Variants in SUCO observed in about 807,000 individuals in gnomAD.
SUCO encodes the protein SUN domain-containing ossification factor.
A neutral mutation model predicts 148.1 loss-of-function variants in SUCO; 57 were observed. The observed-to-expected ratio is 0.38, with a 90% CI of 0.31 to 0.48. The LOEUF is 0.48. Ranked by LOEUF, SUCO falls within the 20% of genes least tolerant of loss-of-function variation. The pLI, the probability that SUCO is intolerant of heterozygous loss-of-function variation, is 0.96. For synonymous variants in SUCO, 470 were observed against 502.7 expected (o/e 0.93, Z 0.87); for missense variants, 1,331 against 1,468.2 (o/e 0.91, Z 1.53).
chr1:172,544,218 A>G (rs899371634), intron 1 of SUCO: 3 of 677,096 alleles, frequency 4.4e-6, no homozygotes, highest in Non-Finnish European at 5.5e-6. Context: ...TTAAGAAGCA[A>G]TTCTTTGTTG....
At position 172,584,148 on chromosome 1, in the gene SUCO, A is replaced by T. The variant is rs771902709; in HGVS notation, c.1499-870A>T. On this transcript the variant is annotated intron_variant, in intron 15 of 23. Transcript: ENST00000263688. ...AAAGTCATCAAAGAGATTTGATTCT[A>T]TGCAATATCAATTTAGAATTTAACC... Among the ~76,000 whole-genome samples the T allele has an allele frequency of 2.0e-5, 3 of 152,228 alleles. 1 individual carries two copies. Among genetic ancestry groups the T allele is most frequent in the Non-Finnish European group, 4.4e-5 (3 of 68,034 alleles).
At chr1:172,592,937 TCTTC>T (rs1656781410) in intron 19 of SUCO, among the ~76,000 whole-genome samples, 1 of 152,202 alleles carries the variant, frequency 6.6e-6, no homozygotes. Flanking sequence ...TTTGTTTGTG[TCTTC>T]CTTTATTTCC....
At chr1:172,533,605 G>C in intron 1 of SUCO, 108 bp downstream of exon 1, 1 of 1,383,542 alleles carries the variant, frequency 7.2e-7, no homozygotes, top group South Asian at 1.5e-5. Context: ...GGGTTTCCAA[G>C]GCCCCCGTGG....
At chr1:172,568,109 C>T (rs1654690800) in intron 6 of SUCO, among the ~76,000 whole-genome samples, 1 of 152,120 alleles carries the variant, frequency 6.6e-6, no homozygotes, top group African/African-American at 2.4e-5. Flanking sequence ...GCCTTATGAT[C>T]TAAGGTGGAA....
At chr1:172,572,524 C>T (rs1384642627) in intron 9 of SUCO, among the ~76,000 whole-genome samples, 1 of 151,404 alleles carries the variant, frequency 6.6e-6, no homozygotes, top group African/African-American at 2.4e-5. Context: ...GAGTCATCAC[C>T]ACTCCCTAAT....
intron 19 of SUCO, among the ~76,000 whole-genome samples, chr1:172,594,703 T>C (rs1189742390): frequency 6.6e-6 from 1 of 152,226 alleles, no homozygotes; most frequent in Non-Finnish European, 1.5e-5. Context: ...CCTCCAGCTA[T>C]GTGGTCAATT....
chr1:172,601,683 A>G (rs1027657839), intron 20 of SUCO, among the ~76,000 whole-genome samples: 5 of 152,166 alleles, frequency 3.3e-5, no homozygotes, highest in African/African-American at 1.2e-4. Flanking sequence ...GGTGGTTGAT[A>G]GTTCATTTTA....
At chr1:172,598,850 A>C (rs1363559432) in intron 19 of SUCO, among the ~76,000 whole-genome samples, 1 of 152,216 alleles carries the variant, frequency 6.6e-6, no homozygotes, top group Non-Finnish European at 1.5e-5. Context: ...CACATTTAGC[A>C]TTTTGGAAAG....
chr1:172,602,631 A>G lies in SUCO; in HGVS notation c.3174-65A>G. The G allele has an allele frequency of 2.5e-6, 4 of 1,584,154 alleles. No homozygotes were observed. In the East Asian group the frequency reaches 6.7e-5, roughly 27 times the overall value. On this transcript the variant is annotated intron_variant, in intron 21 of 23. Transcript: ENST00000263688. ...TCTCAATAACCTCTGTGTAGCCTCA[A>G]CAAAAGAGTAAATTATATGTGCTTT...
intron 19 of SUCO, among the ~76,000 whole-genome samples, chr1:172,592,042 A>G (rs1251046013): frequency 6.6e-6 from 1 of 152,100 alleles, no homozygotes; most frequent in Non-Finnish European, 1.5e-5. Flanking sequence ...GATGATGAGC[A>G]TTTTCTCATG....
intron 19 of SUCO, among the ~76,000 whole-genome samples, chr1:172,591,675 A>C (rs1220478932): frequency 6.6e-6 from 1 of 151,728 alleles, no homozygotes; most frequent in Non-Finnish European, 1.5e-5. Flanking sequence ...AATCCAGTCT[A>C]TCATTGTTGG....
chr1:172,568,143 C>G (rs1654693631), intron 6 of SUCO, among the ~76,000 whole-genome samples: 1 of 152,196 alleles, frequency 6.6e-6, no homozygotes, highest in African/African-American at 2.4e-5. Flanking sequence ...AACCATCTCC[C>G]TGCCCCATCC....
chr1:172,533,019 C>G (rs1651706274), upstream of SUCO: 8 of 1,426,170 alleles, frequency 5.6e-6, no homozygotes, highest in Non-Finnish European at 7.3e-6. Flanking sequence ...ACTTGGGTGA[C>G]GCGTCCCTTT....
chr1:172,579,318 ACACAC>A (rs746559295), intron 15 of SUCO, 51 bp downstream of exon 15: 8 of 1,143,932 alleles, frequency 7.0e-6, no homozygotes, highest in Non-Finnish European at 9.1e-6. Context: ...TCATTCTGAC[ACACAC>A]AGACATTTTG....
chr1:172,604,121 C>T (rs985973035), intron 22 of SUCO, among the ~76,000 whole-genome samples: 1 of 151,870 alleles, frequency 6.6e-6, no homozygotes, highest in African/African-American at 2.4e-5. Flanking sequence ...CTAAACATTC[C>T]TTATTTGAGG....
rs369468338 is a variant in SUCO at position 172,577,871 on chromosome 1, A to G, written c.1340+52A>G. 2,704 of 1,382,332 alleles carry G rather than the reference A, an allele frequency of 2.0e-3. 39 individuals are homozygous for G. In the South Asian group the frequency reaches 0.02, roughly 10 times the overall value. The allele number at this position is 1,382,332 out of a possible 1,614,324, so 85.6% of individuals were successfully genotyped here. A position where few individuals can be genotyped will look rare whatever the true frequency, so the allele number is the denominator to read the frequency against. ...GAGTTTTTAAAAAAATTGATATACA[A>G]AATTTTCGATATATTTAAAGTGAAG... On this transcript the variant is annotated intron_variant, in intron 13 of 23. Coordinates refer to ENST00000263688, the MANE Select transcript of SUCO (RefSeq NM_014283.5).
chr1:172,569,343 A>G, intron 7 of SUCO: 1 of 944,174 alleles, frequency 1.1e-6, no homozygotes, highest in Non-Finnish European at 1.3e-6. Flanking sequence ...TTTAATTAAA[A>G]TCCATTCTTG....
Position 172,570,045 on chromosome 1 carries a change from A to C in SUCO, c.857-2A>C. On this transcript the variant is annotated splice_acceptor_variant, in intron 7 of 23. Transcript: ENST00000263688. LOFTEE classifies it high-confidence loss of function. The stretch of plus-strand genomic sequence containing the variant: ...ATATTTATAATAACGGTTTGTCTGC[A>C]GGTCAGTCGATGCATGCATCTTCTA... The C allele has an allele frequency of 6.8e-7, 1 of 1,481,006 alleles. No individual in the cohort carries two copies. Among genetic ancestry groups the C allele is most frequent in the Non-Finnish European group, 9.0e-7 (1 of 1,109,474 alleles). 91.7% of individuals were successfully genotyped at this position (1,481,006 alleles called of 1,614,324 possible).
intron 19 of SUCO, among the ~76,000 whole-genome samples, chr1:172,597,597 A>G (rs1243899471): frequency 6.6e-6 from 1 of 150,722 alleles, no homozygotes; most frequent in Non-Finnish European, 1.5e-5. Flanking sequence ...TTTGATCGTC[A>G]TACCTTTTTT....
Sources: gnomAD v4.1 joint callset for allele counts (sites outside exome capture counted in the v4.1 genomes callset) on GRCh38, gnomAD v4.1.1 for gene constraint, MANE v1.5 for transcripts, NCBI Gene and HGNC (gene_info 2026-07-23, HGNC 2026-07-21) for gene names.